ZNF704: variants seen among roughly 807,000 people sequenced by gnomAD.
The protein encoded by ZNF704 is zinc finger protein 704.
ZNF704 carries 10 observed loss-of-function variants against 44.7 expected under a neutral mutation model. That is an observed-to-expected ratio of 0.22 (90% confidence interval 0.14 to 0.38). The LOEUF is 0.38. Among genes scored for constraint, ZNF704 ranks in the 10% least tolerant of loss-of-function variants. ZNF704 has a pLI of 1.00. For synonymous variants in ZNF704, 211 were observed against 207.6 expected (o/e 1.02, Z -0.14); for missense variants, 390 against 545.5 (o/e 0.71, Z 2.84).
chr8:80,753,377 C>T lies in ZNF704; in HGVS notation c.222-60270G>A, dbSNP rs1806980936. Among the ~76,000 whole-genome samples, 3 of 152,076 alleles carry T rather than the reference C, an allele frequency of 2.0e-5. No homozygotes were observed. The South Asian group carries it at 6.2e-4, about 32-fold the overall frequency. On this transcript the variant is annotated intron_variant, in intron 2 of 8. Transcript: ENST00000327835. ...ATTCATGAGGAAACAATCTTCCTGC[C>T]CACCAGCACTATATTTAGAGCCATC...
chr8:80,858,282 C>T (rs1808996851), intron 1 of ZNF704, among the ~76,000 whole-genome samples: 1 of 152,082 alleles, frequency 6.6e-6, no homozygotes, highest in African/African-American at 2.4e-5. Flanking sequence ...TTTCTAACAC[C>T]TTTGGATGGA....
chr8:80,728,729 C>A (rs1806526329), intron 2 of ZNF704, among the ~76,000 whole-genome samples: 2 of 152,106 alleles, frequency 1.3e-5, no homozygotes, highest in Non-Finnish European at 2.9e-5. Context: ...TATGGTAAAA[C>A]CTGCAAAAAT....
intron 4 of ZNF704, among the ~76,000 whole-genome samples, chr8:80,679,997 T>C (rs1048392521): frequency 1.3e-5 from 2 of 152,204 alleles, no homozygotes; most frequent in East Asian, 1.9e-4. Flanking sequence ...CTGAGACCTT[T>C]GGCCAAGGTG....
chr8:80,823,885 A>C (rs906869362), intron 1 of ZNF704, among the ~76,000 whole-genome samples: 7 of 152,242 alleles, frequency 4.6e-5, no homozygotes, highest in Admixed American at 6.5e-5. Context: ...AAAACTAACA[A>C]ACAGAAAGGA....
chr8:80,674,717 G>A lies in ZNF704; in HGVS notation c.559-4114C>T, dbSNP rs1407783317. On this transcript the variant is annotated intron_variant, in intron 4 of 8. Transcript: ENST00000327835. Reference sequence around the variant, plus strand: ...CCACCTCCCAACACCCCTATGCTGGGGATCAAATTCCAACATGAGATTTTG... The same window carrying A: ...CCACCTCCCAACACCCCTATGCTGGAGATCAAATTCCAACATGAGATTTTG... Among the ~76,000 whole-genome samples, 3 of 152,140 alleles carry A rather than the reference G, an allele frequency of 2.0e-5. No homozygotes were observed. In the East Asian group the frequency reaches 5.8e-4, roughly 29 times the overall value.
intron 7 of ZNF704, among the ~76,000 whole-genome samples, chr8:80,647,668 T>C (rs901892130): frequency 6.6e-5 from 10 of 151,916 alleles, no homozygotes; most frequent in African/African-American, 2.4e-4. Flanking sequence ...CTAGGACTTG[T>C]GGGTTAGGAT....
chr8:80,870,808 C>T (rs1809239397), intron 1 of ZNF704, among the ~76,000 whole-genome samples: 1 of 152,100 alleles, frequency 6.6e-6, no homozygotes, highest in Non-Finnish European at 1.5e-5. Flanking sequence ...CTCCCACTAT[C>T]CCTGACCTCT....
intron 1 of ZNF704, among the ~76,000 whole-genome samples, chr8:80,838,992 A>G (rs1391690458): frequency 6.6e-6 from 1 of 152,238 alleles, no homozygotes; most frequent in Admixed American, 6.5e-5. Context: ...ACAGAGCTCC[A>G]GGCTGAGTTT....
chr8:80,824,760 A>G (rs902402592), intron 1 of ZNF704, among the ~76,000 whole-genome samples: 1 of 152,208 alleles, frequency 6.6e-6, no homozygotes. Context: ...AGAGAGTGGG[A>G]GCCAATATCC....
chr8:80,638,829 G>C lies in ZNF704; in HGVS notation c.*2537C>G, dbSNP rs1817699550. The C allele has an allele frequency of 1.3e-5, 2 of 152,324 alleles. No individual in the cohort carries two copies. The highest frequency in any genetic ancestry group is 4.1e-4 in the South Asian group (2 of 4,840). The allele number at this position is 152,324 out of a possible 1,614,324, so 9.4% of individuals were successfully genotyped here. On this transcript the variant is annotated 3_prime_UTR_variant, in exon 9 of 9. Coordinates refer to ENST00000327835, the MANE Select transcript of ZNF704 (RefSeq NM_001033723.3). ...ACACAGAGCCGTGGGCTAGCAGGCA[G>C]AAAGCAGCCCCAACTTGGGTAGGAG...
intron 2 of ZNF704, among the ~76,000 whole-genome samples, chr8:80,771,241 ATCT>A (rs2129659509): frequency 6.6e-6 from 1 of 152,308 alleles, no homozygotes; most frequent in African/African-American, 2.4e-5. Flanking sequence ...TCTACAAAAT[ATCT>A]TGTTAGAATT....
At chr8:80,860,010 T>A (rs1476901689) in intron 1 of ZNF704, among the ~76,000 whole-genome samples, 1 of 152,230 alleles carries the variant, frequency 6.6e-6, no homozygotes. Context: ...CACACACTCG[T>A]GCAAAAATCC....
chr8:80,674,593 T>A (rs1370808067), intron 4 of ZNF704, among the ~76,000 whole-genome samples: 1 of 152,114 alleles, frequency 6.6e-6, no homozygotes, highest in Non-Finnish European at 1.5e-5. Context: ...CAAAAACCAA[T>A]CCAGTCTCAT....
chr8:80,818,128 T>A (rs1427132259), intron 2 of ZNF704, among the ~76,000 whole-genome samples: 1 of 152,134 alleles, frequency 6.6e-6, no homozygotes, highest in Admixed American at 6.5e-5. Context: ...ATTGCTTTTA[T>A]TATATAAACC....
At chr8:80,797,336 C>T (rs1025639752) in intron 2 of ZNF704, among the ~76,000 whole-genome samples, 9 of 152,174 alleles carry the variant, frequency 5.9e-5, no homozygotes, top group Non-Finnish European at 1.0e-4. Flanking sequence ...CATATTTCTG[C>T]TTGGCATTGC....
intron 2 of ZNF704, among the ~76,000 whole-genome samples, chr8:80,726,207 A>T (rs561442481): frequency 1.1e-3 from 169 of 152,170 alleles, no homozygotes; most frequent in Non-Finnish European, 1.5e-3. Flanking sequence ...AATTATTCAG[A>T]TTAACAATGA....
At chr8:80,667,189 G>A (rs987853536) in intron 5 of ZNF704, among the ~76,000 whole-genome samples, 21 of 152,160 alleles carry the variant, frequency 1.4e-4, no homozygotes, top group Admixed American at 3.3e-4. Flanking sequence ...AGGGAGTGAC[G>A]GGAGGAGTGA....
At chr8:80,769,478 G>T (rs1439033404) in intron 2 of ZNF704, among the ~76,000 whole-genome samples, 1 of 151,908 alleles carries the variant, frequency 6.6e-6, no homozygotes, top group Non-Finnish European at 1.5e-5. Flanking sequence ...TGAATGCTTT[G>T]CTGCTTAGAA....
chr8:80,768,993 C>T (rs1586014061), intron 2 of ZNF704, among the ~76,000 whole-genome samples: 2 of 152,142 alleles, frequency 1.3e-5, no homozygotes, highest in Non-Finnish European at 2.9e-5. Context: ...ACACAACCTA[C>T]ACAGTCTGTG....
Sources: allele counts gnomAD v4.1 joint callset (sites outside exome capture counted in the v4.1 genomes callset), GRCh38; gene constraint gnomAD v4.1.1; transcripts MANE v1.5; gene names NCBI Gene and HGNC (gene_info 2026-07-23, HGNC 2026-07-21).